Variants in GPR161 observed in about 807,000 individuals in gnomAD.
The protein encoded by GPR161 is G protein-coupled receptor 161, also known as G-protein coupled receptor RE2.
A neutral mutation model predicts 39.2 loss-of-function variants in GPR161; 25 were observed. That is an observed-to-expected ratio of 0.64 (90% confidence interval 0.47 to 0.89). The LOEUF (loss-of-function observed/expected upper bound fraction) is 0.89, where lower values mean the gene tolerates loss of function less well. GPR161 is among the 40% of genes least tolerant of loss of function. The pLI is 0.00. For synonymous variants in GPR161, 286 were observed against 276.6 expected, an observed-to-expected ratio of 1.03 and a Z score of -0.34; for missense variants, 547 against 677.8, an observed-to-expected ratio of 0.81 and a Z score of 2.14.
intron 5 of GPR161, among the ~76,000 whole-genome samples, chr1:168,086,628 C>G (rs1694523176): frequency 1.3e-5 from 2 of 152,172 alleles, no homozygotes; most frequent in Admixed American, 1.3e-4. Flanking sequence ...GCCACACTCA[C>G]AAAGCAGGAC....
At position 168,082,116 on chromosome 1, in the gene GPR161, T is replaced by C. The variant is rs1694115222; in HGVS notation, c.*3415A>G. On this transcript the variant is annotated 3_prime_UTR_variant, in exon 6 of 6. Transcript: ENST00000682931. ...ATCTATTGCAAATATTTAGTCTCAT[T>C]GGTTGTTCACTTGTTTACAGAAAGA... is the stretch of plus-strand genomic sequence containing the variant. The C allele has an allele frequency of 6.6e-6, 1 of 152,246 alleles. No individual in the cohort carries two copies. Among genetic ancestry groups the C allele is most frequent in the East Asian group, 1.9e-4 (1 of 5,204 alleles). The allele number at this position is 152,246 out of a possible 1,614,324, so 9.4% of individuals were successfully genotyped here. A position where few individuals can be genotyped will look rare whatever the true frequency, so the allele number is the denominator to read the frequency against.
chr1:168,137,420 A>C, upstream of GPR161: 1 of 1,530,688 alleles, frequency 6.5e-7, no homozygotes, highest in African/African-American at 1.4e-5. Flanking sequence ...GGGCACGAGC[A>C]TCCATCTGCC....
At chr1:168,120,254 C>T (rs1698057178) in intron 1 of GPR161, among the ~76,000 whole-genome samples, 1 of 152,196 alleles carries the variant, frequency 6.6e-6, no homozygotes, top group Admixed American at 6.5e-5. Context: ...GACATAGAGT[C>T]AAAGGAGATT....
chr1:168,080,735 G>A lies in GPR161; in HGVS notation c.*4796C>T, dbSNP rs1245703340. Reference sequence around the variant, plus strand: ...TCTGGACTGTAAGGAAGGTCAAGCTGTATTTGTGCTATGATTTGGAACGTT... The same window carrying A: ...TCTGGACTGTAAGGAAGGTCAAGCTATATTTGTGCTATGATTTGGAACGTT... On this transcript the variant is annotated 3_prime_UTR_variant, in exon 6 of 6. Transcript: ENST00000682931. 1 of 152,222 alleles carries A rather than the reference G, an allele frequency of 6.6e-6. No homozygotes were observed. The highest frequency in any genetic ancestry group is 6.5e-5 in the Admixed American group (1 of 15,286). The allele number at this position is 152,222 out of a possible 1,614,324, so 9.4% of individuals were successfully genotyped here.
chr1:168,111,337 T>C (rs564013841), intron 1 of GPR161, among the ~76,000 whole-genome samples: 7 of 152,352 alleles, frequency 4.6e-5, no homozygotes, highest in African/African-American at 7.2e-5. Flanking sequence ...CAGATCCTGA[T>C]TGGTCTAAAC....
chr1:168,109,917 G>A (rs1054204564), intron 1 of GPR161, among the ~76,000 whole-genome samples: 1 of 152,168 alleles, frequency 6.6e-6, no homozygotes, highest in Non-Finnish European at 1.5e-5. Flanking sequence ...AATGAGCCGA[G>A]ATCGCACCAC....
intron 3 of GPR161, among the ~76,000 whole-genome samples, chr1:168,092,970 G>A (rs1415580274): frequency 3.3e-5 from 5 of 152,128 alleles, no homozygotes; most frequent in Non-Finnish European, 7.4e-5. Context: ...GCTGGGGAGA[G>A]GGGTGGTGCT....
In GPR161 at chr1:168,136,373, G is replaced by A. The variant is rs778499934; in HGVS notation, c.-45+366C>T. 19 of 1,444,966 alleles carry A rather than the reference G, an allele frequency of 1.3e-5. No individual in the cohort carries two copies. The South Asian group carries it at 2.7e-4, about 20-fold the overall frequency. 89.5% of individuals were successfully genotyped at this position (1,444,966 alleles called of 1,614,324 possible). On this transcript the variant is annotated intron_variant, in intron 1 of 5. Transcript: ENST00000682931. ...GCGCGGCCCGCATCGGCAGAGTCCCGGGCACGCACCTACGCCCTCCCATCC... is the reference window on the plus strand; with the variant it reads ...GCGCGGCCCGCATCGGCAGAGTCCCAGGCACGCACCTACGCCCTCCCATCC...
chr1:168,094,774 T>C (rs922152142), intron 3 of GPR161, among the ~76,000 whole-genome samples: 8 of 152,236 alleles, frequency 5.3e-5, no homozygotes, highest in Non-Finnish European at 7.3e-5. Context: ...GGCCAGGTGA[T>C]GGTCTCCTTT....
intron 2 of GPR161, among the ~76,000 whole-genome samples, chr1:168,100,572 C>T (rs548918891): frequency 1.2e-4 from 19 of 152,258 alleles, no homozygotes; most frequent in African/African-American, 4.6e-4. Context: ...AAGGGGCTTC[C>T]GATGCTTCAG....
chr1:168,123,579 C>CACACACACA (rs796208020), intron 1 of GPR161, among the ~76,000 whole-genome samples: 1 of 147,746 alleles, frequency 6.8e-6, no homozygotes. Flanking sequence ...CACACACACA[C>CACACACACA]TTGTTTGCAT....
chr1:168,135,579 A>T (rs1321408423), intron 1 of GPR161, among the ~76,000 whole-genome samples: 1 of 152,200 alleles, frequency 6.6e-6, no homozygotes, highest in Non-Finnish European at 1.5e-5. Context: ...CAGTGGCTGC[A>T]GTAAAATAGA....
At chr1:168,135,843 G>A (rs1699313680) in intron 1 of GPR161, among the ~76,000 whole-genome samples, 1 of 152,234 alleles carries the variant, frequency 6.6e-6, no homozygotes, top group Non-Finnish European at 1.5e-5. Flanking sequence ...GGCTTCACCG[G>A]GAGGTGGATC....
chr1:168,105,609 C>T lies in GPR161; in HGVS notation c.-44-715G>A, dbSNP rs141202394. Among the ~76,000 whole-genome samples the T allele has an allele frequency of 2.8e-3, 433 of 152,278 alleles. 3 individuals are homozygous for T. The highest frequency in any genetic ancestry group is 0.01 in the African/African-American group (417 of 41,556). On this transcript the variant is annotated intron_variant, in intron 1 of 5. Transcript: ENST00000682931. ...ACGTCATTACTGTTCTCATCAGACACGGCGAGGGAGGGCAAGCACTAACTG... is the reference window on the plus strand; with the variant it reads ...ACGTCATTACTGTTCTCATCAGACATGGCGAGGGAGGGCAAGCACTAACTG...
Position 168,090,444 on chromosome 1 carries a change from C to G in GPR161, c.1204+120G>C, listed in dbSNP as rs1328749005. ...CCAGACTTATGATTCTCACCCCCCA[C>G]CCACCGTGGGAAATGCCCCTCCGCC... On this transcript the variant is annotated intron_variant, in intron 4 of 5. Transcript: ENST00000682931. The G allele has an allele frequency of 5.3e-6, 3 of 565,432 alleles. No homozygotes were observed. The African/African-American group carries it at 5.7e-5, about 11-fold the overall frequency. 35.0% of individuals were successfully genotyped at this position (565,432 alleles called of 1,614,324 possible).
upstream of GPR161, chr1:168,137,026 T>TGCCCCGCCCC: frequency 4.1e-6 from 1 of 243,794 alleles, no homozygotes; most frequent in African/African-American, 3.5e-5. Context: ...CGCCCCGCAC[T>TGCCCCGCCCC]GCCCCGCCCC....
At chr1:168,132,937 G>A (rs1699112142) in intron 1 of GPR161, among the ~76,000 whole-genome samples, 1 of 152,100 alleles carries the variant, frequency 6.6e-6, no homozygotes, top group Admixed American at 6.5e-5. Flanking sequence ...TAGAGATGGG[G>A]TTTCACCATG....
In GPR161 at chr1:168,088,042, AGG is replaced by A. The variant is rs1176606798; in HGVS notation, c.1205-340_1205-339del. ...TGGGGAGAAGGGCCGAGTAGAGGAG[AGG>A]GTCCTACTAAAAGGAACTTTATATT... On this transcript the variant is annotated intron_variant, in intron 4 of 5. Transcript: ENST00000682931. 1.2e-4 allele frequency: 26 copies of A among 222,028 alleles called. No individual in the cohort carries two copies. The Admixed American group carries it at 1.4e-3, about 12-fold the overall frequency. 13.8% of individuals were successfully genotyped at this position (222,028 alleles called of 1,614,324 possible).
rs144948038 is a variant in GPR161 at position 168,121,479 on chromosome 1, C to T, written c.-45+15260G>A. ...AGTTCTCCATCTCCTATATTAAAAG[C>T]TGTCTTCACCCCTTCATGTTTCCCA... On this transcript the variant is annotated intron_variant, in intron 1 of 5. Transcript: ENST00000682931. Among the ~76,000 whole-genome samples the T allele has an allele frequency of 5.1e-3, 773 of 152,284 alleles. 5 individuals are homozygous for T. The highest frequency in any genetic ancestry group is 0.018 in the African/African-American group (734 of 41,554).
Sources: gnomAD v4.1 joint callset for allele counts (sites outside exome capture counted in the v4.1 genomes callset) on GRCh38, gnomAD v4.1.1 for gene constraint, MANE v1.5 for transcripts, NCBI Gene and HGNC (gene_info 2026-07-23, HGNC 2026-07-21) for gene names.